The following CHCHD3 variants were observed in gnomAD, a reference collection of about 807,000 sequenced individuals.
The protein encoded by CHCHD3 is coiled-coil-helix-coiled-coil-helix domain containing 3.
CHCHD3 carries 20 observed loss-of-function variants against 38.2 expected under a neutral mutation model. The observed-to-expected ratio is 0.52, with a 90% CI of 0.37 to 0.76. CHCHD3 has a LOEUF of 0.76. CHCHD3 is among the 30% of genes least tolerant of loss of function. The pLI, the probability that CHCHD3 is intolerant of heterozygous loss-of-function variation, is 0.00. For missense variants in CHCHD3, 245 were observed against 279.2 expected, an observed-to-expected ratio of 0.88 and a Z score of 0.87; for synonymous variants, 82 against 100.0, an observed-to-expected ratio of 0.82 and a Z score of 1.07.
At chr7:133,042,857 T>C (rs1459742113) in intron 2 of CHCHD3, among the ~76,000 whole-genome samples, 1 of 152,156 alleles carries the variant, frequency 6.6e-6, no homozygotes, top group East Asian at 1.9e-4. Flanking sequence ...TTTTTTTTGT[T>C]TGTTTGCTTC....
At chr7:133,063,751 C>G (rs1381552347) in intron 2 of CHCHD3, among the ~76,000 whole-genome samples, 1 of 152,152 alleles carries the variant, frequency 6.6e-6, no homozygotes, top group Non-Finnish European at 1.5e-5. Flanking sequence ...ATGTAACTTT[C>G]CAGACTTGCA....
intron 2 of CHCHD3, among the ~76,000 whole-genome samples, chr7:133,060,361 T>A (rs1440299177): frequency 6.6e-6 from 1 of 151,714 alleles, no homozygotes; most frequent in Non-Finnish European, 1.5e-5. Flanking sequence ...AGGAGAGGGG[T>A]GTGTAACGGG....
chr7:132,932,501 C>T (rs188737457), intron 4 of CHCHD3, among the ~76,000 whole-genome samples: 1 of 152,320 alleles, frequency 6.6e-6, no homozygotes, highest in East Asian at 1.9e-4. Flanking sequence ...GAAGGCACTG[C>T]TTATTGGCCT....
At chr7:132,961,338 C>T (rs537727477) in intron 4 of CHCHD3, among the ~76,000 whole-genome samples, 2 of 152,094 alleles carry the variant, frequency 1.3e-5, no homozygotes, top group African/African-American at 2.4e-5. Flanking sequence ...AGCAACCATT[C>T]GAAAAGATGA....
chr7:133,018,913 C>T (rs969770802), intron 3 of CHCHD3, among the ~76,000 whole-genome samples: 14 of 76,778 alleles, frequency 1.8e-4, no homozygotes, highest in Non-Finnish European at 3.0e-4. Flanking sequence ...GACGGAGTTT[C>T]GCTCTTATTG....
At chr7:132,885,210 C>A (rs1809173840) in intron 5 of CHCHD3, among the ~76,000 whole-genome samples, 1 of 152,104 alleles carries the variant, frequency 6.6e-6, no homozygotes, top group Non-Finnish European at 1.5e-5. Flanking sequence ...CAAGATCATG[C>A]CACTAGACTC....
At chr7:132,807,606 A>AATATATATATATATATATATAT (rs55835343) in intron 6 of CHCHD3, among the ~76,000 whole-genome samples, 3 of 108,952 alleles carry the variant, frequency 2.8e-5, no homozygotes, top group African/African-American at 3.2e-5. Context: ...CATACACATA[A>AATATATATATATATATATATAT]ATATATATAT....
chr7:133,078,046 A>G (rs1056418706), intron 1 of CHCHD3, among the ~76,000 whole-genome samples: 1 of 152,110 alleles, frequency 6.6e-6, no homozygotes, highest in Non-Finnish European at 1.5e-5. Flanking sequence ...GGAGGCTCAC[A>G]CCTGTAATCC....
At chr7:132,979,902 T>C (rs1462022820) in intron 3 of CHCHD3, among the ~76,000 whole-genome samples, 1 of 152,228 alleles carries the variant, frequency 6.6e-6, no homozygotes, top group Non-Finnish European at 1.5e-5. Context: ...TATTTTCTTC[T>C]AAGTTTCCTC....
chr7:132,853,621 C>T (rs1041944011), intron 5 of CHCHD3, among the ~76,000 whole-genome samples: 3 of 151,688 alleles, frequency 2.0e-5, no homozygotes, highest in Admixed American at 6.6e-5. Flanking sequence ...TATTCTGTCT[C>T]AAAAAAATAA....
intron 6 of CHCHD3, among the ~76,000 whole-genome samples, chr7:132,827,319 A>G (rs1481183181): frequency 6.6e-6 from 1 of 152,212 alleles, no homozygotes; most frequent in African/African-American, 2.4e-5. Context: ...GCATAAAGAC[A>G]TATCTTGGGG....
intron 2 of CHCHD3, among the ~76,000 whole-genome samples, chr7:133,040,938 G>A (rs1307353250): frequency 6.6e-6 from 1 of 152,118 alleles, no homozygotes; most frequent in Non-Finnish European, 1.5e-5. Context: ...AGTCGCAGTC[G>A]AAGAGCCCTT....
chr7:133,023,189 A>ATT (rs1813242414), intron 3 of CHCHD3, among the ~76,000 whole-genome samples: 2 of 152,160 alleles, frequency 1.3e-5, no homozygotes, highest in African/African-American at 4.8e-5. Context: ...AACTGTGGAA[A>ATT]TATACAGAGA....
intron 1 of CHCHD3, among the ~76,000 whole-genome samples, chr7:133,072,894 G>C (rs899157210): frequency 6.6e-6 from 1 of 151,610 alleles, no homozygotes; most frequent in African/African-American, 2.4e-5. Flanking sequence ...AGTAGATGTG[G>C]GAGTAAAGCA....
intron 3 of CHCHD3, among the ~76,000 whole-genome samples, chr7:132,987,740 A>C (rs1168763675): frequency 6.6e-6 from 1 of 152,168 alleles, no homozygotes; most frequent in Non-Finnish European, 1.5e-5. Flanking sequence ...TACCATGTAG[A>C]AACATTTTTA....
At chr7:132,883,321 T>C (rs1236810533) in intron 5 of CHCHD3, among the ~76,000 whole-genome samples, 1 of 152,196 alleles carries the variant, frequency 6.6e-6, no homozygotes, top group Non-Finnish European at 1.5e-5. Context: ...GAGTATTAGC[T>C]CATTTAACAA....
chr7:132,985,438 G>C lies in CHCHD3; in HGVS notation c.252-10152C>G, dbSNP rs1301775992. On this transcript the variant is annotated intron_variant, in intron 3 of 7. Coordinates refer to ENST00000262570, the MANE Select transcript of CHCHD3 (RefSeq NM_017812.4). ...CGGGAGGTGAGGGGCGCCTCTGCCC[G>C]GCCGCCCCTACTGGGAAGAGAGGAG... 6.3e-5 allele frequency among the ~76,000 whole-genome samples: 4 copies of C among 63,010 alleles called. 1 individual carries two copies. Among genetic ancestry groups the C allele is most frequent in the Non-Finnish European group, 1.3e-4 (4 of 30,278 alleles). The allele number at this position is 63,010 out of a possible 152,430, so 41.3% of individuals were successfully genotyped here.
chr7:132,829,216 C>G (rs549707770), intron 6 of CHCHD3, among the ~76,000 whole-genome samples: 81 of 152,236 alleles, frequency 5.3e-4, no homozygotes, highest in African/African-American at 1.9e-3. Flanking sequence ...GTTAATTACT[C>G]AAGTAAGCAA....
At chr7:132,879,716 T>TAAAAAAAAAAAAAAAAAAAAAAA (rs56259114) in intron 5 of CHCHD3, among the ~76,000 whole-genome samples, 1 of 38,426 alleles carries the variant, frequency 2.6e-5, no homozygotes, top group Non-Finnish European at 4.4e-5. Flanking sequence ...TTGTCAAAAG[T>TAAAAAAAAAAAAAAAAAAAAAAA]AAAAAAAAAA....
Sources: gnomAD v4.1 joint callset for allele counts (sites outside exome capture counted in the v4.1 genomes callset) on GRCh38, gnomAD v4.1.1 for gene constraint, MANE v1.5 for transcripts, NCBI Gene and HGNC (gene_info 2026-07-23, HGNC 2026-07-21) for gene names.